Variants in SYT13 observed in about 807,000 individuals in gnomAD.
SYT13 encodes synaptotagmin 13.
In SYT13, 21 loss-of-function variants were observed where a neutral mutation model predicts 38.6. That is an observed-to-expected ratio of 0.54 (90% CI 0.39 to 0.78). SYT13 has a LOEUF of 0.78. SYT13 is among the 30% of genes least tolerant of loss of function. SYT13 has a pLI of 0.00. For synonymous variants in SYT13, 241 were observed against 237.6 expected (o/e 1.01, Z -0.13); for missense variants, 495 against 548.7 (o/e 0.90, Z 0.98).
At chr11:45,275,633 C>A (rs1042029681) in intron 1 of SYT13, among the ~76,000 whole-genome samples, 1 of 152,090 alleles carries the variant, frequency 6.6e-6, no homozygotes, top group East Asian at 1.9e-4. Flanking sequence ...ATTACAGCAC[C>A]CTTTATCTAA....
At chr11:45,274,258 T>G (rs1854983798) in intron 1 of SYT13, among the ~76,000 whole-genome samples, 1 of 152,216 alleles carries the variant, frequency 6.6e-6, no homozygotes, top group Non-Finnish European at 1.5e-5. Context: ...TGTGGTGGGA[T>G]TAGGCTAGGC....
At chr11:45,260,829 C>G (rs181528141) in intron 1 of SYT13, among the ~76,000 whole-genome samples, 5 of 152,278 alleles carry the variant, frequency 3.3e-5, no homozygotes, top group African/African-American at 4.8e-5. Flanking sequence ...CTTGCTCCCC[C>G]CACTGTGTCC....
intron 1 of SYT13, among the ~76,000 whole-genome samples, chr11:45,262,102 G>T (rs151245049): frequency 1.6e-4 from 24 of 152,256 alleles, no homozygotes; most frequent in Middle Eastern, 3.4e-3. Flanking sequence ...TAAACAAAAT[G>T]TGGTATATCT....
At chr11:45,247,455 C>A (rs1490317215) in intron 4 of SYT13, among the ~76,000 whole-genome samples, 2 of 152,132 alleles carry the variant, frequency 1.3e-5, no homozygotes, top group African/African-American at 4.8e-5. Flanking sequence ...TGGGGGAAGG[C>A]CCCATGGAAG....
At chr11:45,272,093 G>C (rs1316604103) in intron 1 of SYT13, among the ~76,000 whole-genome samples, 3 of 152,108 alleles carry the variant, frequency 2.0e-5, no homozygotes, top group African/African-American at 7.2e-5. Context: ...ACTAACACAA[G>C]AACAGAAAAC....
intron 1 of SYT13, among the ~76,000 whole-genome samples, chr11:45,276,562 C>A (rs983333945): frequency 1.3e-4 from 19 of 151,770 alleles, no homozygotes; most frequent in Admixed American, 8.5e-4. Flanking sequence ...GCACATGTAT[C>A]CCAGAACTTA....
At chr11:45,253,343 C>T (rs10838436) in intron 3 of SYT13, among the ~76,000 whole-genome samples, 48,801 of 152,018 alleles carry the variant, frequency 0.32, 8,844 homozygotes, top group Non-Finnish European at 0.41. Context: ...CTTCAAGGGA[C>T]TGCTTAGTCC....
At chr11:45,258,167 C>T (rs936009989) in intron 1 of SYT13, among the ~76,000 whole-genome samples, 6 of 152,216 alleles carry the variant, frequency 3.9e-5, no homozygotes, top group African/African-American at 1.4e-4. Context: ...TGGCCCAAAG[C>T]CCACTGCCCC....
At chr11:45,284,942 T>C (rs958096165) in intron 1 of SYT13, among the ~76,000 whole-genome samples, 4 of 152,212 alleles carry the variant, frequency 2.6e-5, no homozygotes, top group African/African-American at 9.7e-5. Flanking sequence ...GTACAGTGAC[T>C]GACACAGGCC....
chr11:45,251,386 TAAAAAAAAAAAAA>T (rs10649998), intron 4 of SYT13, among the ~76,000 whole-genome samples: 1 of 75,372 alleles, frequency 1.3e-5, no homozygotes, highest in African/African-American at 5.8e-5. Context: ...AGACTCTGTC[TAAAAAAAAAAAAA>T]AAAAAAAAAA....
At chr11:45,250,612 C>A (rs1046889255) in intron 4 of SYT13, among the ~76,000 whole-genome samples, 1 of 152,106 alleles carries the variant, frequency 6.6e-6, no homozygotes, top group Non-Finnish European at 1.5e-5. Flanking sequence ...TCCCAGGATC[C>A]CCATCTGTGA....
At chr11:45,265,389 G>T (rs1391170781) in intron 1 of SYT13, among the ~76,000 whole-genome samples, 2 of 152,236 alleles carry the variant, frequency 1.3e-5, no homozygotes, top group African/African-American at 4.8e-5. Flanking sequence ...TCACCATGGG[G>T]GTTGGGAGCT....
At chr11:45,279,175 T>A (rs1293635128) in intron 1 of SYT13, among the ~76,000 whole-genome samples, 1 of 152,226 alleles carries the variant, frequency 6.6e-6, no homozygotes, top group Non-Finnish European at 1.5e-5. Context: ...TAAATTTGAT[T>A]CCCAGCTCTC....
chr11:45,272,021 A>G (rs753593063), intron 1 of SYT13, among the ~76,000 whole-genome samples: 1 of 152,226 alleles, frequency 6.6e-6, no homozygotes, highest in African/African-American at 2.4e-5. Flanking sequence ...GCCATAAAAA[A>G]GGAATGAGAT....
intron 1 of SYT13, among the ~76,000 whole-genome samples, chr11:45,278,005 C>T (rs539258850): frequency 6.6e-6 from 1 of 152,304 alleles, no homozygotes; most frequent in South Asian, 2.1e-4. Flanking sequence ...ACCTGGCACA[C>T]AGTTATTCAA....
At chr11:45,274,398 G>A (rs1230646134) in intron 1 of SYT13, among the ~76,000 whole-genome samples, 1 of 152,192 alleles carries the variant, frequency 6.6e-6, no homozygotes, top group Non-Finnish European at 1.5e-5. Context: ...TAAGAGACGA[G>A]ATCATTAGAT....
intron 1 of SYT13, among the ~76,000 whole-genome samples, chr11:45,285,045 G>A (rs1855117701): frequency 6.6e-6 from 1 of 152,172 alleles, no homozygotes; most frequent in South Asian, 2.1e-4. Context: ...GAACCATACA[G>A]TCTATAAGGG....
intron 1 of SYT13, among the ~76,000 whole-genome samples, chr11:45,278,190 A>G (rs1388890257): frequency 2.0e-5 from 3 of 152,186 alleles, no homozygotes; most frequent in Non-Finnish European, 4.4e-5. Flanking sequence ...ACTTGCTTCT[A>G]TGAAGCTATT....
At chr11:45,253,455 A>T (rs1473248197) in intron 3 of SYT13, among the ~76,000 whole-genome samples, 2 of 152,220 alleles carry the variant, frequency 1.3e-5, no homozygotes, top group Admixed American at 6.5e-5. Flanking sequence ...AAGACCAAAC[A>T]TAATAAAGTA....
Sources: allele counts gnomAD v4.1 joint callset (sites outside exome capture counted in the v4.1 genomes callset), GRCh38; gene constraint gnomAD v4.1.1; transcripts MANE v1.5; gene names NCBI Gene and HGNC (gene_info 2026-07-23, HGNC 2026-07-21).